The following TMCO1 variants were observed in gnomAD, a reference collection of about 807,000 sequenced individuals.
The protein encoded by TMCO1 is transmembrane and coiled-coil domains 1, also known as calcium load-activated calcium channel.
A neutral mutation model predicts 29.3 loss-of-function variants in TMCO1; 29 were observed. The ratio of observed to expected loss-of-function variants is 0.99; its 90% CI spans 0.74 to 1.35. The LOEUF (loss-of-function observed/expected upper bound fraction) is 1.35. Ranked by LOEUF, TMCO1 falls within the 40% of genes most tolerant of loss-of-function variation. The pLI, the probability that TMCO1 is intolerant of heterozygous loss-of-function variation, is 0.00. For missense variants in TMCO1, 173 were observed against 225.5 expected (o/e 0.77, Z 1.49); for synonymous variants, 80 against 77.1 (o/e 1.04, Z -0.20).
intron 2 of TMCO1, among the ~76,000 whole-genome samples, chr1:165,760,529 T>C (rs1210966422): frequency 6.6e-6 from 1 of 151,098 alleles, no homozygotes; most frequent in Non-Finnish European, 1.5e-5. Flanking sequence ...GTGGGCCGGG[T>C]GCAGCGGCTC....
intron 2 of TMCO1, among the ~76,000 whole-genome samples, chr1:165,767,577 C>T (rs1171057862): frequency 6.6e-6 from 1 of 152,196 alleles, no homozygotes; most frequent in Non-Finnish European, 1.5e-5. Context: ...CCTGGAATTT[C>T]CTTTCCCCAT....
chr1:165,724,978 TTCTCTCTTTC>T (rs759005505), downstream of TMCO1: 80 of 409,704 alleles, frequency 2.0e-4, no homozygotes, highest in Middle Eastern at 1.5e-3. Flanking sequence ...GTGTTCTTTA[TTCTCTCTTTC>T]TCTCTCTCTC....
At chr1:165,745,423 A>G (rs1400556881) in intron 5 of TMCO1, among the ~76,000 whole-genome samples, 4 of 148,544 alleles carry the variant, frequency 2.7e-5, no homozygotes, top group Non-Finnish European at 4.5e-5. Flanking sequence ...GATCACTTGA[A>G]GCCATGAGTT....
chr1:165,759,075 T>C (rs1305461172), intron 3 of TMCO1, among the ~76,000 whole-genome samples: 3 of 152,206 alleles, frequency 2.0e-5, no homozygotes, highest in Non-Finnish European at 4.4e-5. Context: ...ACACATGATA[T>C]GGTCATTATT....
chr1:165,757,232 T>C (rs1210148419), intron 3 of TMCO1, among the ~76,000 whole-genome samples: 1 of 152,212 alleles, frequency 6.6e-6, no homozygotes, highest in Admixed American at 6.5e-5. Flanking sequence ...ATATATTCCA[T>C]AGTAGTACTA....
Position 165,768,478 on chromosome 1 carries a change from C to G in TMCO1, c.70+204G>C, listed in dbSNP as rs778484074. ...GTCTCCACAAATACCCAAGTGAAAT[C>G]TACCTGAGACCAAAGAAAACTCGGC... is the stretch of plus-strand genomic sequence containing the variant. On this transcript the variant is annotated intron_variant, in intron 1 of 6. Coordinates refer to ENST00000367881, the MANE Select transcript of TMCO1 (RefSeq NM_019026.6). 1.5e-5 allele frequency: 23 copies of G among 1,542,286 alleles called. No homozygotes were observed. The South Asian group carries it at 2.5e-4, about 17-fold the overall frequency.
intron 6 of TMCO1, among the ~76,000 whole-genome samples, chr1:165,731,736 A>G (rs916526649): frequency 6.6e-6 from 1 of 152,236 alleles, no homozygotes; most frequent in Non-Finnish European, 1.5e-5. Context: ...TCAAATAGCA[A>G]TAGCAGCAAC....
At chr1:165,726,073 G>A (rs1558025346), downstream of TMCO1, 2 of 694,622 alleles carry the variant, frequency 2.9e-6, no homozygotes, top group Non-Finnish European at 5.2e-6. Context: ...ACTTTAAAAA[G>A]GTGATGGCAG....
chr1:165,742,906 T>A (rs1424279323), intron 6 of TMCO1, among the ~76,000 whole-genome samples: 1 of 152,112 alleles, frequency 6.6e-6, no homozygotes, highest in African/African-American at 2.4e-5. Context: ...GCAGTTGTAA[T>A]AAAGAAGGAG....
chr1:165,752,329 A>G (rs1043012990), intron 4 of TMCO1, among the ~76,000 whole-genome samples, 160 bp from the exon 5 acceptor site: 3 of 141,156 alleles, frequency 2.1e-5, no homozygotes, highest in Non-Finnish European at 4.5e-5. Context: ...ATCTCGGCTC[A>G]CTGCAAGCTC....
chr1:165,726,685 T>C (rs1329166546), downstream of TMCO1: 2 of 454,090 alleles, frequency 4.4e-6, no homozygotes, highest in South Asian at 1.6e-5. Flanking sequence ...TATTCATCCA[T>C]ATATTTTATT....
At chr1:165,758,361 G>C (rs1022019492) in intron 3 of TMCO1, among the ~76,000 whole-genome samples, 1 of 152,078 alleles carries the variant, frequency 6.6e-6, no homozygotes, top group African/African-American at 2.4e-5. Flanking sequence ...TTCGAGACCA[G>C]CCTGGCTAAC....
At chr1:165,734,870 C>G (rs1391643306) in intron 6 of TMCO1, among the ~76,000 whole-genome samples, 1 of 151,932 alleles carries the variant, frequency 6.6e-6, no homozygotes, top group Non-Finnish European at 1.5e-5. Context: ...TTAACAGAAG[C>G]CTTTTGAAAA....
chr1:165,752,048 C>T (rs1652010731), intron 5 of TMCO1, 54 bp downstream of exon 5: 5 of 1,378,296 alleles, frequency 3.6e-6, no homozygotes, highest in South Asian at 1.2e-5. Context: ...TGCTAACATA[C>T]ATACAAATAT....
At chr1:165,752,879 C>T (rs951041673) in intron 4 of TMCO1, among the ~76,000 whole-genome samples, 4 of 152,156 alleles carry the variant, frequency 2.6e-5, no homozygotes, top group Middle Eastern at 3.4e-3. Flanking sequence ...CTCTTCTTGC[C>T]ACCCGGTGAG....
At chr1:165,763,336 A>G (rs1652461016) in intron 2 of TMCO1, among the ~76,000 whole-genome samples, 1 of 152,236 alleles carries the variant, frequency 6.6e-6, no homozygotes, top group Admixed American at 6.5e-5. Context: ...TTGATTATAC[A>G]TTCCAGAAGA....
At chr1:165,735,120 CAGG>C (rs890072491) in intron 6 of TMCO1, among the ~76,000 whole-genome samples, 1 of 152,102 alleles carries the variant, frequency 6.6e-6, no homozygotes, top group Non-Finnish European at 1.5e-5. Flanking sequence ...CTGCTGCGGT[CAGG>C]AGATTAAGTG....
intron 6 of TMCO1, among the ~76,000 whole-genome samples, chr1:165,741,989 TC>T (rs1166658312): frequency 2.6e-5 from 4 of 152,204 alleles, no homozygotes; most frequent in African/African-American, 9.7e-5. Context: ...AAACCTCTTT[TC>T]TTTATAAATT....
At chr1:165,753,165 A>G (rs1198677414) in intron 4 of TMCO1, among the ~76,000 whole-genome samples, 1 of 152,132 alleles carries the variant, frequency 6.6e-6, no homozygotes, top group Non-Finnish European at 1.5e-5. Context: ...GATACTGAGA[A>G]CAAAAGGTCT....
Sources: gnomAD v4.1 joint callset for allele counts (sites outside exome capture counted in the v4.1 genomes callset) on GRCh38, gnomAD v4.1.1 for gene constraint, MANE v1.5 for transcripts, NCBI Gene and HGNC (gene_info 2026-07-23, HGNC 2026-07-21) for gene names.